Variants in EPS8 observed in about 807,000 individuals in gnomAD.
The protein encoded by EPS8 is epidermal growth factor receptor kinase substrate 8.
A neutral mutation model predicts 103.8 loss-of-function variants in EPS8; 42 were observed. The observed-to-expected ratio is 0.40, with a 90% confidence interval of 0.32 to 0.52. The LOEUF (loss-of-function observed/expected upper bound fraction) is 0.52. Among genes scored for constraint, EPS8 ranks in the 20% least tolerant of loss-of-function variants. EPS8 has a pLI of 0.40. For synonymous variants in EPS8, 344 were observed against 344.6 expected (o/e 1.00, Z 0.02); for missense variants, 969 against 1,005.1 (o/e 0.96, Z 0.49).
chr12:15,705,825 C>A (rs1029717932), intron 1 of EPS8, among the ~76,000 whole-genome samples: 1 of 152,110 alleles, frequency 6.6e-6, no homozygotes, highest in Non-Finnish European at 1.5e-5. Flanking sequence ...AACGGCTAGC[C>A]AATATTACCC....
intron 17 of EPS8, 60 bp from the exon 18 acceptor site, chr12:15,631,724 CAA>C: frequency 7.6e-7 from 1 of 1,317,280 alleles, no homozygotes; most frequent in Non-Finnish European, 1.0e-6. Flanking sequence ...GCTAGGAAAA[CAA>C]ATTATACTTT....
intron 1 of EPS8, among the ~76,000 whole-genome samples, chr12:15,741,763 G>A (rs1011494592): frequency 3.3e-5 from 5 of 152,012 alleles, no homozygotes; most frequent in African/African-American, 7.3e-5. Context: ...TGCACAACGT[G>A]CAGGTTTGTT....
Position 15,771,106 on chromosome 12 carries a change from C to A in EPS8, c.-22+18055G>T, listed in dbSNP as rs1947149684. Among the ~76,000 whole-genome samples the A allele has an allele frequency of 6.6e-6, 1 of 151,988 alleles. No individual in the cohort carries two copies. The highest frequency in any genetic ancestry group is 1.5e-5 in the Non-Finnish European group (1 of 67,998). On this transcript the variant is annotated intron_variant, in intron 1 of 20. Coordinates refer to ENST00000281172, the MANE Select transcript of EPS8 (RefSeq NM_004447.6). This position sits in a 1 kb window ranked among gnomAD's most constrained non-coding sequence, Gnocchi z 4.6. ...AAAAAAATATTAAGTGGGAGAGGTACCAAAGAAGGTAGATTATTCTACAAT... is the reference window on the plus strand; with the variant it reads ...AAAAAAATATTAAGTGGGAGAGGTAACAAAGAAGGTAGATTATTCTACAAT...
rs1946785757 is a variant in EPS8, at chr12:15,738,210, C to A, written c.-22+50951G>T. On this transcript the variant is annotated intron_variant, in intron 1 of 20. Coordinates refer to ENST00000281172, the MANE Select transcript of EPS8 (RefSeq NM_004447.6). This position sits in a 1 kb window ranked among gnomAD's most constrained non-coding sequence, Gnocchi z 6.2. ...CACTTTTATTCTAACTAATATTAGA[C>A]TCATTTCTCAACTGCCAGCTATATT... 6.6e-6 allele frequency among the ~76,000 whole-genome samples: 1 copy of A among 151,972 alleles called. No individual in the cohort carries two copies. The highest frequency in any genetic ancestry group is 6.6e-5 in the Admixed American group (1 of 15,252).
At chr12:15,630,199 C>CTCAT (rs1945020084) in intron 18 of EPS8, among the ~76,000 whole-genome samples, 2 of 75,132 alleles carry the variant, frequency 2.7e-5, no homozygotes, top group South Asian at 1.8e-3. Context: ...CTATCTCTCT[C>CTCAT]TCACTCACAC....
At chr12:15,655,242 C>T (rs180843087) in intron 12 of EPS8, among the ~76,000 whole-genome samples, 1 of 152,252 alleles carries the variant, frequency 6.6e-6, no homozygotes, top group East Asian at 1.9e-4. Context: ...TGTGTTAACC[C>T]CACAGTGTAA....
Position 15,684,060 on chromosome 12 carries a change from T to A in EPS8, c.-21-1088A>T, listed in dbSNP as rs1946054370. The A allele has an allele frequency of 6.6e-6, 1 of 152,048 alleles. No individual in the cohort carries two copies. The highest frequency in any genetic ancestry group is 1.5e-5 in the Non-Finnish European group (1 of 68,006). The allele number at this position is 152,048 out of a possible 1,614,324, so 9.4% of individuals were successfully genotyped here. A position where few individuals can be genotyped will look rare whatever the true frequency, so the allele number is the denominator to read the frequency against. On this transcript the variant is annotated intron_variant, in intron 1 of 20. Transcript: ENST00000281172. The surrounding 1 kb of genome is among the most constrained non-coding windows in gnomAD (Gnocchi z 4.9). Reference sequence around the variant, plus strand: ...ATGGTCCCAACTATAGGGCCAACAGTCTAGTGGGGGGAAACAGATAATGAA... The same window carrying A: ...ATGGTCCCAACTATAGGGCCAACAGACTAGTGGGGGGAAACAGATAATGAA...
chr12:15,711,173 G>A (rs960398458), intron 1 of EPS8, among the ~76,000 whole-genome samples: 1 of 151,864 alleles, frequency 6.6e-6, no homozygotes, highest in South Asian at 2.1e-4. Flanking sequence ...CCAAAGTGCT[G>A]GGATTACAGG....
chr12:15,712,462 G>A (rs1946478056), intron 1 of EPS8, among the ~76,000 whole-genome samples: 1 of 152,158 alleles, frequency 6.6e-6, no homozygotes, highest in South Asian at 2.1e-4. Flanking sequence ...TGCATATAAG[G>A]TTAAGTTCAA....
rs1237911037 is a variant in EPS8, at chr12:15,697,996, A to G, written c.-21-15024T>C. ...ATTACAGAAATTTCTCTATGGGAAC[A>G]TATTTCCAGTTGTATAAAAGCTATC... On this transcript the variant is annotated intron_variant, in intron 1 of 20. Coordinates refer to ENST00000281172, the MANE Select transcript of EPS8 (RefSeq NM_004447.6). The surrounding 1 kb of genome is among the most constrained non-coding windows in gnomAD (Gnocchi z 5.6). 1.3e-5 allele frequency among the ~76,000 whole-genome samples: 2 copies of G among 152,322 alleles called. No individual in the cohort carries two copies. Among genetic ancestry groups the G allele is most frequent in the East Asian group, 3.9e-4 (2 of 5,180 alleles).
chr12:15,723,611 G>C (rs1257741507), intron 1 of EPS8, among the ~76,000 whole-genome samples: 1 of 152,000 alleles, frequency 6.6e-6, no homozygotes, highest in Non-Finnish European at 1.5e-5. Context: ...AATTAACGTA[G>C]ACCTATTCTA....
At position 15,660,624 on chromosome 12, in the gene EPS8, T is replaced by C. The variant is rs764719582; in HGVS notation, c.927A>G (p.Lys309=). ...GAAAATCCAACTTACCTCCTGGTCC[T>C]TTCCTTTTACCTTTCTTGTTTTTCT... ...KRKKNKKGKR[K]GPGEGVLTLR... Residue 309 remains lysine, a synonymous_variant, in exon 10 of 21, where the codon AAA becomes AAG. Coordinates refer to ENST00000281172, the MANE Select transcript of EPS8 (RefSeq NM_004447.6). 3.8e-5 allele frequency: 57 copies of C among 1,495,432 alleles called. No homozygotes were observed. Among genetic ancestry groups the C allele is most frequent in the Middle Eastern group, 1.7e-4 (1 of 5,864 alleles). 92.6% of individuals were successfully genotyped at this position (1,495,432 alleles called of 1,614,324 possible). A position where few individuals can be genotyped will look rare whatever the true frequency, so the allele number is the denominator to read the frequency against.
rs1947218848 is a variant in EPS8 at position 15,777,494 on chromosome 12, C to T, written c.-22+11667G>A. On this transcript the variant is annotated intron_variant, in intron 1 of 20. Coordinates refer to ENST00000281172, the MANE Select transcript of EPS8 (RefSeq NM_004447.6). The surrounding 1 kb of genome is among the most constrained non-coding windows in gnomAD (Gnocchi z 4.7). ...ATTTCCAAAATCACTTACTTAGTAC[C>T]CAAATAAGGTAAAGGCGATGAAGGC... 6.6e-6 allele frequency among the ~76,000 whole-genome samples: 1 copy of T among 151,982 alleles called. No homozygotes were observed. The highest frequency in any genetic ancestry group is 2.1e-4 in the South Asian group (1 of 4,828).
At chr12:15,788,759 G>A (rs1014040755) in intron 1 of EPS8, among the ~76,000 whole-genome samples, 4 of 152,240 alleles carry the variant, frequency 2.6e-5, no homozygotes, top group African/African-American at 9.6e-5. Context: ...CGGGTTGGCA[G>A]AGCAGCGCAC....
intron 1 of EPS8, among the ~76,000 whole-genome samples, chr12:15,715,057 G>A (rs1165399753): frequency 1.3e-5 from 2 of 152,180 alleles, no homozygotes; most frequent in Non-Finnish European, 2.9e-5. Flanking sequence ...AGGACTGAAG[G>A]ACTGATTCCC....
chr12:15,666,351 T>A, intron 7 of EPS8, 89 bp downstream of exon 7: 1 of 926,532 alleles, frequency 1.1e-6, no homozygotes. Context: ...ATAATATACT[T>A]CCATAGAAAA....
Position 15,769,516 on chromosome 12 carries a change from C to T in EPS8, c.-22+19645G>A, listed in dbSNP as rs566355674. On this transcript the variant is annotated intron_variant, in intron 1 of 20. Coordinates refer to ENST00000281172, the MANE Select transcript of EPS8 (RefSeq NM_004447.6). The surrounding 1 kb of genome is among the most constrained non-coding windows in gnomAD (Gnocchi z 4.6). ...AAAAATTACACAAATATAAGACGCT[C>T]TTGTTGGCAAATATTAAGAAAAAAC... Among the ~76,000 whole-genome samples, 2 of 152,162 alleles carry T rather than the reference C, an allele frequency of 1.3e-5. No homozygotes were observed. The highest frequency in any genetic ancestry group is 2.9e-5 in the Non-Finnish European group (2 of 68,024).
rs1947242109 is a variant in EPS8 at position 15,779,816 on chromosome 12, C to T, written c.-22+9345G>A. Among the ~76,000 whole-genome samples the T allele has an allele frequency of 6.6e-6, 1 of 152,066 alleles. No homozygotes were observed. The highest frequency in any genetic ancestry group is 6.6e-5 in the Admixed American group (1 of 15,264). On this transcript the variant is annotated intron_variant, in intron 1 of 20. Transcript: ENST00000281172. The surrounding 1 kb of genome is among the most constrained non-coding windows in gnomAD (Gnocchi z 4.3). ...CTGATCTCTTATCAAGCACATAATT[C>T]ATTTAACAAGTTATTTTTTAGTACA...
chr12:15,709,266 A>C (rs1224802591), intron 1 of EPS8, among the ~76,000 whole-genome samples: 1 of 152,232 alleles, frequency 6.6e-6, no homozygotes, highest in Non-Finnish European at 1.5e-5. Flanking sequence ...AATATAACAC[A>C]TGTAAAAATA....
Sources: gnomAD v4.1 joint callset for allele counts (sites outside exome capture counted in the v4.1 genomes callset) on GRCh38, gnomAD v4.1.1 for gene constraint, Gnocchi (gnomAD v3.1) non-coding constraint, MANE v1.5 for transcripts, NCBI Gene and HGNC (gene_info 2026-07-23, HGNC 2026-07-21) for gene names.